EFHD2: variants seen among roughly 807,000 people sequenced by gnomAD.
The protein encoded by EFHD2 is EF-hand domain-containing protein D2.
EFHD2 carries 12 observed loss-of-function variants against 20.3 expected under a neutral mutation model. That is an observed-to-expected ratio of 0.59 (90% CI 0.38 to 0.96). The LOEUF (loss-of-function observed/expected upper bound fraction) is 0.96. Among genes scored for constraint, EFHD2 ranks in the 40% least tolerant of loss-of-function variants. EFHD2 has a pLI of 0.00. For missense variants in EFHD2, 250 were observed against 334.3 expected (o/e 0.75, Z 1.97); for synonymous variants, 131 against 143.9 (o/e 0.91, Z 0.64).
At chr1:15,424,594 A>G (rs1707842760) in intron 1 of EFHD2, among the ~76,000 whole-genome samples, 1 of 152,172 alleles carries the variant, frequency 6.6e-6, no homozygotes. Flanking sequence ...CCCTGCAGGC[A>G]CTGCACCACA....
intron 1 of EFHD2, among the ~76,000 whole-genome samples, chr1:15,417,662 G>A (rs1045592166): frequency 1.3e-5 from 2 of 152,222 alleles, no homozygotes; most frequent in African/African-American, 2.4e-5. Flanking sequence ...AGAGGAAGTG[G>A]TGAGCGCTGG....
chr1:15,411,189 C>G (rs1040191104), intron 1 of EFHD2, among the ~76,000 whole-genome samples: 6 of 151,172 alleles, frequency 4.0e-5, no homozygotes, highest in Non-Finnish European at 7.4e-5. Context: ...ATCTCTCCTC[C>G]CCACTCCGTA....
In EFHD2 at chr1:15,413,549, A is replaced by T. The variant is rs973503543; in HGVS notation, c.308+3270A>T. 6.6e-6 allele frequency among the ~76,000 whole-genome samples: 1 copy of T among 151,826 alleles called. No homozygotes were observed. On this transcript the variant is annotated intron_variant, in intron 1 of 3. Coordinates refer to ENST00000375980, the MANE Select transcript of EFHD2 (RefSeq NM_024329.6). This position sits in a 1 kb window ranked among gnomAD's most constrained non-coding sequence, Gnocchi z 4.4. Reference sequence around the variant, plus strand: ...TTCCTGAGGCTGGAGATCGAGGGGGAAGAGAGGGGATGGGGGAAGATAGAC... The same window carrying T: ...TTCCTGAGGCTGGAGATCGAGGGGGTAGAGAGGGGATGGGGGAAGATAGAC...
chr1:15,424,917 G>A (rs1463852565), intron 1 of EFHD2, among the ~76,000 whole-genome samples: 7 of 152,194 alleles, frequency 4.6e-5, no homozygotes, highest in Non-Finnish European at 1.0e-4. Flanking sequence ...GTGCTTCTCA[G>A]CGGAGAATGC....
chr1:15,420,899 C>T (rs1366645680), intron 1 of EFHD2, among the ~76,000 whole-genome samples: 2 of 152,124 alleles, frequency 1.3e-5, no homozygotes, highest in Non-Finnish European at 2.9e-5. Context: ...TCCTCAGCCT[C>T]CCAAAGTGCT....
chr1:15,417,121 A>G (rs577241269), intron 1 of EFHD2, among the ~76,000 whole-genome samples: 39 of 152,208 alleles, frequency 2.6e-4, no homozygotes, highest in African/African-American at 7.9e-4. Flanking sequence ...CATAATCCGC[A>G]CTGTAACCAG....
intron 1 of EFHD2, 52 bp downstream of exon 1, chr1:15,410,331 G>C: frequency 6.6e-7 from 1 of 1,506,730 alleles, no homozygotes; most frequent in Non-Finnish European, 8.9e-7. Flanking sequence ...CCGGTCTCGG[G>C]CCCCGAACCC....
At chr1:15,416,398 T>TC (rs1707671132) in intron 1 of EFHD2, among the ~76,000 whole-genome samples, 1 of 152,140 alleles carries the variant, frequency 6.6e-6, no homozygotes, top group Admixed American at 6.5e-5. Flanking sequence ...GCAGCTGAGT[T>TC]CCCCTGACTG....
At chr1:15,419,507 C>CT (rs1707751831) in intron 1 of EFHD2, among the ~76,000 whole-genome samples, 1 of 149,068 alleles carries the variant, frequency 6.7e-6, no homozygotes, top group Non-Finnish European at 1.5e-5. Context: ...ATGTGGGACC[C>CT]TCCATGGGAC....
chr1:15,427,278 G>T lies in EFHD2; in HGVS notation c.585G>T (p.Glu195Asp), dbSNP rs1375163115. 1.2e-6 allele frequency: 2 copies of T among 1,605,912 alleles called. No individual in the cohort carries two copies. The highest frequency in any genetic ancestry group is 2.7e-5 in the African/African-American group (2 of 74,894). The change falls in exon 3 of 4, where the codon GAG (glutamate) becomes GAT (aspartate). Residue 195 changes from glutamate to aspartate, a missense_variant. By Grantham distance (45) the Glu-to-Asp change is conservative (BLOSUM62 2). Transcript: ENST00000375980. ...EGVKGAKSFF[E>D]AKVQAINVSS... ...TCAAGGGGGCCAAGAGCTTCTTTGA[G>T]GCCAAGGTGAGGAGCCCAAGGGGTG... is the stretch of plus-strand genomic sequence containing the variant.
chr1:15,427,189 CAGG>C lies in EFHD2; in HGVS notation c.501_503del (p.Glu167del). ...CCGCAAGGCGGCGGCCGGGGAGCTTCAGGAGGACAGCGGGCTGTGCGTGCTGGC... is the reference window on the plus strand; with the variant it reads ...CCGCAAGGCGGCGGCCGGGGAGCTTCAGGACAGCGGGCTGTGCGTGCTGGC... On this transcript the variant is annotated inframe_deletion, in exon 3 of 4. Coordinates refer to ENST00000375980, the MANE Select transcript of EFHD2 (RefSeq NM_024329.6). 4.4e-6 allele frequency: 7 copies of C among 1,608,770 alleles called. No individual in the cohort carries two copies. Among genetic ancestry groups the C allele is most frequent in the Middle Eastern group, 1.7e-4 (1 of 6,040 alleles).
chr1:15,420,499 G>A (rs372216284), intron 1 of EFHD2, among the ~76,000 whole-genome samples: 28 of 146,900 alleles, frequency 1.9e-4, no homozygotes, highest in African/African-American at 5.7e-4. Flanking sequence ...ACACCACCAC[G>A]CCCAGCTAAT....
chr1:15,410,791 CACCACATGCCA>C (rs1557494989), intron 1 of EFHD2, among the ~76,000 whole-genome samples: 1 of 151,208 alleles, frequency 6.6e-6, no homozygotes, highest in Non-Finnish European at 1.5e-5. Context: ...TGCCCCTCGA[CACCACATGCCA>C]ACCACATTCC....
rs116836663 is a variant in EFHD2 at position 15,421,899 on chromosome 1, C to A, written c.309-3972C>A. 5.6e-3 allele frequency among the ~76,000 whole-genome samples: 854 copies of A among 152,088 alleles called. 10 individuals carry two copies. The highest frequency in any genetic ancestry group is 0.02 in the African/African-American group (822 of 41,488). On this transcript the variant is annotated intron_variant, in intron 1 of 3. Transcript: ENST00000375980. ...TGCTGGTGCGTTGGGAGTTTAGTGA[C>A]GGTGATTCAATCTTGTTTTAGCGGT... is the stretch of plus-strand genomic sequence containing the variant.
In EFHD2 at chr1:15,413,874, G is replaced by A. The variant is rs1707596863; in HGVS notation, c.308+3595G>A. Among the ~76,000 whole-genome samples, 1 of 152,174 alleles carries A rather than the reference G, an allele frequency of 6.6e-6. No homozygotes were observed. Among genetic ancestry groups the A allele is most frequent in the Non-Finnish European group, 1.5e-5 (1 of 68,030 alleles). On this transcript the variant is annotated intron_variant, in intron 1 of 3. Transcript: ENST00000375980. The surrounding 1 kb of genome is among the most constrained non-coding windows in gnomAD (Gnocchi z 4.4). ...GCGTCTCCCTGGCCCTCGCAGCCAG[G>A]ACTCTCCATCCCCGTCTCCGTGCGG...
intron 1 of EFHD2, among the ~76,000 whole-genome samples, chr1:15,416,028 G>C (rs1174373442): frequency 6.6e-6 from 1 of 152,060 alleles, no homozygotes; most frequent in African/African-American, 2.4e-5. Context: ...AGTGGGTGGG[G>C]AGAATGCCCT....
intron 3 of EFHD2, among the ~76,000 whole-genome samples, chr1:15,427,563 C>T (rs1465748646): frequency 1.3e-5 from 2 of 152,214 alleles, no homozygotes; most frequent in African/African-American, 4.8e-5. Flanking sequence ...GCACACAGAG[C>T]TGCTAACACA....
At chr1:15,416,408 G>A (rs1707671359) in intron 1 of EFHD2, among the ~76,000 whole-genome samples, 1 of 152,210 alleles carries the variant, frequency 6.6e-6, no homozygotes. Flanking sequence ...TCCCCTGACT[G>A]CCGGGCAACC....
At chr1:15,418,596 C>T (rs1319806852) in intron 1 of EFHD2, among the ~76,000 whole-genome samples, 8 of 151,896 alleles carry the variant, frequency 5.3e-5, no homozygotes, top group East Asian at 2.0e-4. Flanking sequence ...GGAGCCACGG[C>T]ACCCGGCCGC....
Sources: allele counts gnomAD v4.1 joint callset (sites outside exome capture counted in the v4.1 genomes callset), GRCh38; gene constraint gnomAD v4.1.1; non-coding constraint Gnocchi (gnomAD v3.1); transcripts MANE v1.5; gene names NCBI Gene and HGNC (gene_info 2026-07-23, HGNC 2026-07-21).